Variants in NFATC2 observed in about 807,000 individuals in gnomAD.
NFATC2 encodes nuclear factor of activated T-cells, cytoplasmic 2.
A neutral mutation model predicts 87.3 loss-of-function variants in NFATC2; 22 were observed. The ratio of observed to expected loss-of-function variants is 0.25; its 90% CI spans 0.18 to 0.36. The LOEUF (loss-of-function observed/expected upper bound fraction) is 0.36, where lower values mean the gene tolerates loss of function less well. NFATC2 is among the 10% of genes least tolerant of loss of function. NFATC2 has a pLI of 1.00. For missense variants in NFATC2, 1,149 were observed against 1,259.1 expected (o/e 0.91, Z 1.32); for synonymous variants, 565 against 542.2 (o/e 1.04, Z -0.58).
chr20:51,508,703 C>A (rs895060461), intron 3 of NFATC2, among the ~76,000 whole-genome samples: 1 of 152,090 alleles, frequency 6.6e-6, no homozygotes, highest in Non-Finnish European at 1.5e-5. Flanking sequence ...TGAACAGGGT[C>A]CCTAGAGACT....
chr20:51,481,692 C>G (rs1487926279), intron 3 of NFATC2, among the ~76,000 whole-genome samples: 1 of 152,074 alleles, frequency 6.6e-6, no homozygotes, highest in East Asian at 1.9e-4. Flanking sequence ...ACCCAAGAAG[C>G]CAACTGCAGG....
rs6021267 is a variant in NFATC2, at chr20:51,524,561, T to C, written c.131-451A>G. On this transcript the variant is annotated intron_variant, in intron 1 of 10. Coordinates refer to ENST00000371564, the MANE Select transcript of NFATC2 (RefSeq NM_012340.5). The surrounding 1 kb of genome is among the most constrained non-coding windows in gnomAD (Gnocchi z 4.0). ...CATTAGACGGATCCCCTAACCCGTC[T>C]GCGCGGTAGGTCATGACCCCTAGTT... 0.83 allele frequency among the ~76,000 whole-genome samples: 125,965 copies of C among 151,970 alleles called. 52,776 individuals are homozygous for C. Among genetic ancestry groups the C allele is most frequent in the African/African-American group, 0.95 (39,288 of 41,454 alleles).
At chr20:51,560,914 A>C (rs550079164) in intron 1 of NFATC2, among the ~76,000 whole-genome samples, 6 of 152,340 alleles carry the variant, frequency 3.9e-5, no homozygotes, top group Admixed American at 6.5e-5. Context: ...GTTAGATCAC[A>C]CAGTAAAACA....
intron 1 of NFATC2, among the ~76,000 whole-genome samples, chr20:51,541,081 G>A (rs2076808784): frequency 1.3e-5 from 2 of 152,136 alleles, no homozygotes; most frequent in African/African-American, 2.4e-5. Flanking sequence ...GGGTATCCAA[G>A]GGAAGAGGAT....
intron 3 of NFATC2, among the ~76,000 whole-genome samples, chr20:51,498,868 C>A (rs990217747): frequency 2.0e-5 from 3 of 152,150 alleles, no homozygotes; most frequent in African/African-American, 4.8e-5. Flanking sequence ...GGGGAAGCTG[C>A]TTTGAGGAGG....
chr20:51,547,149 A>G (rs1342290816), upstream of NFATC2, among the ~76,000 whole-genome samples: 1 of 152,160 alleles, frequency 6.6e-6, no homozygotes, highest in African/African-American at 2.4e-5. Flanking sequence ...GGGTTCTCTG[A>G]GGATGAGAAA....
intron 3 of NFATC2, among the ~76,000 whole-genome samples, chr20:51,476,068 G>T (rs1431930300): frequency 7.7e-6 from 1 of 129,966 alleles, no homozygotes; most frequent in Non-Finnish European, 1.6e-5. Flanking sequence ...AGAAAGAACT[G>T]TCACTTCTTT....
chr20:51,529,598 G>A (rs555952111), intron 1 of NFATC2, among the ~76,000 whole-genome samples: 1 of 152,168 alleles, frequency 6.6e-6, no homozygotes, highest in Non-Finnish European at 1.5e-5. Context: ...CACGGCACTG[G>A]GTGAAGTTAG....
chr20:51,555,302 A>G (rs1429312598), intron 1 of NFATC2, among the ~76,000 whole-genome samples: 1 of 152,090 alleles, frequency 6.6e-6, no homozygotes, highest in Non-Finnish European at 1.5e-5. Context: ...TCCTTACAAG[A>G]TCCTATGTGG....
At chr20:51,552,343 C>G (rs1042278454) in intron 1 of NFATC2, among the ~76,000 whole-genome samples, 5 of 152,086 alleles carry the variant, frequency 3.3e-5, no homozygotes, top group African/African-American at 1.2e-4. Flanking sequence ...TATAGTTCAT[C>G]CTGATTACTG....
At chr20:51,394,421 C>G (rs906937893) in intron 10 of NFATC2, among the ~76,000 whole-genome samples, 5 of 152,006 alleles carry the variant, frequency 3.3e-5, no homozygotes, top group African/African-American at 9.7e-5. Context: ...TCTCACCTTC[C>G]TCACGCTGCT....
At chr20:51,434,676 G>A (rs1198776118) in intron 8 of NFATC2, among the ~76,000 whole-genome samples, 1 of 152,156 alleles carries the variant, frequency 6.6e-6, no homozygotes, top group Non-Finnish European at 1.5e-5. Flanking sequence ...ACAAATGAAT[G>A]CATGAAAAAA....
At chr20:51,556,982 C>T (rs997919130) in intron 1 of NFATC2, among the ~76,000 whole-genome samples, 2 of 152,124 alleles carry the variant, frequency 1.3e-5, no homozygotes, top group Non-Finnish European at 2.9e-5. Flanking sequence ...GGGCTGGCTC[C>T]TTTAGGGGGC....
chr20:51,493,121 A>G (rs1426651444), intron 3 of NFATC2, among the ~76,000 whole-genome samples: 2 of 152,178 alleles, frequency 1.3e-5, no homozygotes, highest in Admixed American at 6.5e-5. Context: ...AACAGTTTAG[A>G]CTGGGGGCTA....
chr20:51,403,613 G>C (rs1014931573), intron 9 of NFATC2, among the ~76,000 whole-genome samples: 2 of 152,180 alleles, frequency 1.3e-5, no homozygotes, highest in African/African-American at 4.8e-5. Context: ...ATTAGGACTT[G>C]GTGCAGTCAT....
chr20:51,449,294 G>T (rs1184702856), intron 6 of NFATC2, among the ~76,000 whole-genome samples: 1 of 152,178 alleles, frequency 6.6e-6, no homozygotes, highest in Admixed American at 6.5e-5. Flanking sequence ...GTCCCGGGCT[G>T]GGAGGTGAGC....
chr20:51,553,531 C>T (rs1381799803), intron 1 of NFATC2, among the ~76,000 whole-genome samples: 1 of 151,856 alleles, frequency 6.6e-6, no homozygotes, highest in Non-Finnish European at 1.5e-5. Flanking sequence ...AAAAATTAGC[C>T]GGGCATGGTG....
intron 2 of NFATC2, among the ~76,000 whole-genome samples, chr20:51,520,121 T>TAAAGGACTCTGACACTCAA (rs1214293657): frequency 6.6e-6 from 1 of 152,140 alleles, no homozygotes; most frequent in African/African-American, 2.4e-5. Flanking sequence ...TGTGAGGAAC[T>TAAAGGACTCTGACACTCAA]AAAGGACTCT....
chr20:51,442,721 T>TC (rs1491351850), intron 6 of NFATC2, among the ~76,000 whole-genome samples: 10 of 140,134 alleles, frequency 7.1e-5, no homozygotes, highest in Non-Finnish European at 1.3e-4. Flanking sequence ...TTTTTTTTTT[T>TC]CTTAAGAAAA....
Sources: allele counts gnomAD v4.1 joint callset (sites outside exome capture counted in the v4.1 genomes callset), GRCh38; gene constraint gnomAD v4.1.1; non-coding constraint Gnocchi (gnomAD v3.1); transcripts MANE v1.5; gene names NCBI Gene and HGNC (gene_info 2026-07-23, HGNC 2026-07-21).